Variants in TOX2 observed in about 807,000 individuals in gnomAD.
TOX2 encodes granulosa cell HMG box 1.
In TOX2, 15 loss-of-function variants were observed where a neutral mutation model predicts 47.4. That is an observed-to-expected ratio of 0.32 (90% CI 0.21 to 0.49). The LOEUF is 0.49. Among genes scored for constraint, TOX2 ranks in the 20% least tolerant of loss-of-function variants. The probability of loss-of-function intolerance (pLI) is 0.99; values close to 1 mark genes in which losing one functional copy is unlikely to be tolerated. For synonymous variants in TOX2, 290 were observed against 296.6 expected (o/e 0.98, Z 0.23); for missense variants, 622 against 673.1 (o/e 0.92, Z 0.84).
intron 3 of TOX2, among the ~76,000 whole-genome samples, chr20:44,012,002 C>T (rs1002053572): frequency 2.4e-4 from 37 of 152,340 alleles, no homozygotes; most frequent in African/African-American, 8.9e-4. Context: ...ACTGATTAAA[C>T]ATTTATTTCC....
intron 3 of TOX2, among the ~76,000 whole-genome samples, chr20:44,040,181 A>C (rs1165797467): frequency 6.6e-6 from 1 of 152,222 alleles, no homozygotes; most frequent in Non-Finnish European, 1.5e-5. Flanking sequence ...GGCTTTAAGC[A>C]AAACACGTTT....
In TOX2 at chr20:43,995,354, G is replaced by A. The variant is rs961482308; in HGVS notation, c.166-11193G>A. On this transcript the variant is annotated intron_variant, in intron 2 of 8. Coordinates refer to ENST00000341197, the MANE Select transcript of TOX2 (RefSeq NM_001098797.2). ...CTGACAAAATTGCATTTCATTCCCC[G>A]CAGAATTCATAAAATCACTATACCC... Among the ~76,000 whole-genome samples the A allele has an allele frequency of 7.2e-5, 11 of 152,218 alleles. No individual in the cohort carries two copies. In the East Asian group the frequency reaches 1.2e-3, roughly 16 times the overall value.
Position 44,068,937 on chromosome 20 carries a change from C to G in TOX2, c.*251C>G. ...CGCTGACCTGCTTGCTCCAGGGTAA[C>G]TGTGGACCCTGTCCTCGCCCTGCGC... On this transcript the variant is annotated 3_prime_UTR_variant, in exon 9 of 9. Transcript: ENST00000341197. 1.5e-6 allele frequency: 1 copy of G among 654,966 alleles called. No homozygotes were observed. Among genetic ancestry groups the G allele is most frequent in the South Asian group, 1.5e-5 (1 of 66,292 alleles). The allele number at this position is 654,966 out of a possible 1,614,324, so 40.6% of individuals were successfully genotyped here. A position where few individuals can be genotyped will look rare whatever the true frequency, so the allele number is the denominator to read the frequency against.
In TOX2 at chr20:43,951,707, G is replaced by GGTTTTTTTTTTTTTTTTTTTTTTTTTT. The variant is rs745489872; in HGVS notation, c.100-21660_100-21659insGTTTTTTTTTTTTTTTTTTTTTTTTTT. On this transcript the variant is annotated intron_variant, in intron 1 of 8. Transcript: ENST00000341197. ...TGACCATTACTATTAAACTTATTATGTTTTTTTTTTTTTTTTTTTTTAGAG... is the reference window on the plus strand; with the variant it reads ...TGACCATTACTATTAAACTTATTATGGTTTTTTTTTTTTTTTTTTTTTTTTTTTTTTTTTTTTTTTTTTTTTTTAGAG... 2.9e-4 allele frequency among the ~76,000 whole-genome samples: 16 copies of GGTTTTTTTTTTTTTTTTTTTTTTTTTT among 55,092 alleles called. 1 individual carries two copies. The highest frequency in any genetic ancestry group is 1.6e-3 in the East Asian group (3 of 1,890). The allele number at this position is 55,092 out of a possible 152,430, so 36.1% of individuals were successfully genotyped here.
At chr20:44,049,963 T>C (rs2071480367) in intron 3 of TOX2, among the ~76,000 whole-genome samples, 1 of 152,224 alleles carries the variant, frequency 6.6e-6, no homozygotes, top group South Asian at 2.1e-4. Context: ...CGTGCATGTA[T>C]CTTTATGATA....
Position 44,054,303 on chromosome 20 carries a change from C to T in TOX2, c.656C>T (p.Ser219Leu), listed in dbSNP as rs561015693. The change falls in exon 5 of 9, where the codon TCG becomes TTG. Residue 219 changes from serine (S) to leucine (L), a missense_variant. By Grantham distance (145) the Ser-to-Leu change is moderately radical (BLOSUM62 -2). Transcript: ENST00000341197. ...TGACTCTTCTCACTCGGGCAGATCT[C>T]GGGAGAAAAGAGACCTTCAGCCGAC... ...EEESEVHFKI[S>L]GEKRPSADPG... 37 of 1,607,854 alleles carry T rather than the reference C, an allele frequency of 2.3e-5. No homozygotes were observed. Among genetic ancestry groups the T allele is most frequent in the African/African-American group, 1.3e-4 (10 of 74,706 alleles).
At chr20:43,988,137 C>T (rs1255182156) in intron 2 of TOX2, among the ~76,000 whole-genome samples, 1 of 152,054 alleles carries the variant, frequency 6.6e-6, no homozygotes, top group Non-Finnish European at 1.5e-5. Flanking sequence ...CCAAGATGGT[C>T]TTGATCTCTT....
intron 5 of TOX2, among the ~76,000 whole-genome samples, chr20:44,060,351 G>A (rs747007133): frequency 2.0e-4 from 31 of 152,098 alleles, no homozygotes; most frequent in Non-Finnish European, 3.7e-4. Flanking sequence ...AGGTCATCAA[G>A]ACAAAGTCAA....
chr20:44,006,752 T>C lies in TOX2; in HGVS notation c.371T>C (p.Leu124Pro). The C allele has an allele frequency of 6.2e-7, 1 of 1,614,016 alleles. No homozygotes were observed. The highest frequency in any genetic ancestry group is 1.1e-5 in the South Asian group (1 of 91,082). Residue 124 changes from leucine to proline, a missense_variant, in exon 3 of 9, where the codon CTA becomes CCA. Physicochemically the swap from Leu to Pro is moderately conservative, Grantham distance 98. Around this residue, in one of 3 missense-constraint regions of TOX2, gnomAD observed 307 missense variants for 327.3 expected, o/e 0.94. Transcript: ENST00000341197. ...DLPAIMVSNM[L>P]AQDSHLLSGQ... is the part of the protein sequence containing the mutation. ...CCAGCCATCATGGTGTCCAACATGCTAGCACAGGACAGCCACCTGCTGTCG... is the reference window on the plus strand; with the variant it reads ...CCAGCCATCATGGTGTCCAACATGCCAGCACAGGACAGCCACCTGCTGTCG...
intron 3 of TOX2, among the ~76,000 whole-genome samples, chr20:44,048,665 A>T (rs2071457569): frequency 6.6e-6 from 1 of 151,842 alleles, no homozygotes; most frequent in Non-Finnish European, 1.5e-5. Context: ...AAACTAAGAG[A>T]TTTGTAATAA....
At chr20:43,942,516 A>G (rs1336915109) in intron 1 of TOX2, among the ~76,000 whole-genome samples, 1 of 152,136 alleles carries the variant, frequency 6.6e-6, no homozygotes. Flanking sequence ...TATTTTTACA[A>G]AAAAAGAAAA....
chr20:43,983,981 C>T (rs2070216112), intron 2 of TOX2, among the ~76,000 whole-genome samples: 1 of 152,186 alleles, frequency 6.6e-6, no homozygotes. Flanking sequence ...GTAATTCTGG[C>T]CTCTGAGTCT....
chr20:43,990,084 C>T (rs1475708574), intron 2 of TOX2, among the ~76,000 whole-genome samples: 1 of 152,090 alleles, frequency 6.6e-6, no homozygotes, highest in Non-Finnish European at 1.5e-5. Flanking sequence ...CTCTGTGGCT[C>T]CTCTGTGAAA....
At chr20:44,009,910 G>A (rs1281888088) in intron 3 of TOX2, among the ~76,000 whole-genome samples, 2 of 152,164 alleles carry the variant, frequency 1.3e-5, no homozygotes, top group African/African-American at 2.4e-5. Flanking sequence ...GAGACAGTGT[G>A]GGGTGGTGGT....
chr20:43,971,560 A>G (rs997216242), intron 1 of TOX2, among the ~76,000 whole-genome samples: 3 of 152,228 alleles, frequency 2.0e-5, no homozygotes, highest in Admixed American at 1.3e-4. Context: ...TGTCTAAATT[A>G]CAAATGCACA....
intron 3 of TOX2, among the ~76,000 whole-genome samples, chr20:44,011,370 A>G (rs1261723069): frequency 6.6e-6 from 1 of 152,162 alleles, no homozygotes; most frequent in Non-Finnish European, 1.5e-5. Flanking sequence ...CCTGGTGCAG[A>G]TGGAGAGAAG....
intron 1 of TOX2, among the ~76,000 whole-genome samples, chr20:43,968,112 G>A (rs1235280561): frequency 1.3e-5 from 2 of 152,030 alleles, no homozygotes; most frequent in Admixed American, 6.6e-5. Context: ...CCGATCATCC[G>A]TCTATCCATC....
chr20:43,971,253 G>C (rs1252566223), intron 1 of TOX2, among the ~76,000 whole-genome samples: 8 of 152,162 alleles, frequency 5.3e-5, no homozygotes, highest in Admixed American at 3.9e-4. Context: ...CTGATCCCTG[G>C]GAGCCTCCAT....
intron 1 of TOX2, among the ~76,000 whole-genome samples, chr20:43,952,557 T>C (rs1353069659): frequency 6.6e-6 from 1 of 152,132 alleles, no homozygotes. Flanking sequence ...AGCCTGCAGA[T>C]CTCAAGTTTG....
Sources: allele counts gnomAD v4.1 joint callset (sites outside exome capture counted in the v4.1 genomes callset), GRCh38; gene constraint gnomAD v4.1.1; regional missense constraint gnomAD v4.1.1; transcripts MANE v1.5; gene names NCBI Gene and HGNC (gene_info 2026-07-23, HGNC 2026-07-21).